IHO1: variants seen among roughly 807,000 people sequenced by gnomAD.
IHO1 encodes interactor of HORMAD1 1.
A neutral mutation model predicts 31.0 loss-of-function variants in IHO1; 13 were observed. That is an observed-to-expected ratio of 0.42 (90% confidence interval 0.27 to 0.67). The LOEUF is 0.67. Among genes scored for constraint, IHO1 ranks in the 30% least tolerant of loss-of-function variants. The pLI is 0.24. For synonymous variants in IHO1, 221 were observed against 248.4 expected (o/e 0.89, Z 1.04); for missense variants, 599 against 687.5 (o/e 0.87, Z 1.44).
In IHO1 at chr3:49,209,076, G is replaced by A. The variant is rs191279909; in HGVS notation, c.-15-2690G>A. Among the ~76,000 whole-genome samples the A allele has an allele frequency of 9.8e-5, 15 of 152,300 alleles. No homozygotes were observed. In the South Asian group the frequency reaches 2.9e-3, roughly 29 times the overall value. ...TTGGGTAAACCATGTGGTAAACACAGACATGCTGCACAAGTAAAGGCAGGA... is the reference window on the plus strand; with the variant it reads ...TTGGGTAAACCATGTGGTAAACACAAACATGCTGCACAAGTAAAGGCAGGA... On this transcript the variant is annotated intron_variant, in intron 1 of 7. Coordinates refer to ENST00000452691, the MANE Select transcript of IHO1 (RefSeq NM_001135197.2).
At chr3:49,194,123 C>T (rs1466718429), upstream of IHO1, among the ~76,000 whole-genome samples, 2 of 150,038 alleles carry the variant, frequency 1.3e-5, no homozygotes, top group Non-Finnish European at 3.0e-5. Context: ...GAAAAATTAG[C>T]CAGGTGCGGT....
chr3:49,241,661 G>A (rs1479011348), intron 4 of IHO1, among the ~76,000 whole-genome samples: 1 of 151,562 alleles, frequency 6.6e-6, no homozygotes, highest in East Asian at 1.9e-4. Flanking sequence ...TTGCTCTGTC[G>A]CCAGGCTGGA....
intron 6 of IHO1, among the ~76,000 whole-genome samples, chr3:49,248,417 A>AAAAACAAAACAAAACAAAACAAAAC (rs139167372): frequency 2.7e-5 from 4 of 148,816 alleles, no homozygotes; most frequent in African/African-American, 1.0e-4. Context: ...AGACTCTCTC[A>AAAAACAAAACAAAACAAAACAAAAC]AAAACAAAAC....
intron 2 of IHO1, among the ~76,000 whole-genome samples, chr3:49,235,666 G>C (rs2046550907): frequency 6.6e-6 from 1 of 152,048 alleles, no homozygotes; most frequent in African/African-American, 2.4e-5. Context: ...AATGGCTCAT[G>C]ACTGTCATCC....
intron 6 of IHO1, among the ~76,000 whole-genome samples, chr3:49,246,049 G>T (rs563060212): frequency 7.2e-5 from 11 of 152,096 alleles, no homozygotes; most frequent in Non-Finnish European, 1.6e-4. Context: ...GGGTGTGGTG[G>T]TGGGCGCCTG....
upstream of IHO1, among the ~76,000 whole-genome samples, chr3:49,197,411 T>C (rs1430925946): frequency 6.6e-6 from 1 of 152,174 alleles, no homozygotes; most frequent in Non-Finnish European, 1.5e-5. Context: ...TCCTCCCACC[T>C]TGGCCTCCCA....
At chr3:49,235,396 T>G (rs2046546356) in intron 2 of IHO1, among the ~76,000 whole-genome samples, 1 of 151,174 alleles carries the variant, frequency 6.6e-6, no homozygotes, top group Admixed American at 6.6e-5. Context: ...CTGGCTAATT[T>G]TTTTGTATTT....
Position 49,256,462 on chromosome 3 carries a change from G to A in IHO1, c.965G>A (p.Gly322Asp). 6.2e-7 allele frequency: 1 copy of A among 1,614,182 alleles called. No homozygotes were observed. The highest frequency in any genetic ancestry group is 8.5e-7 in the Non-Finnish European group (1 of 1,180,040). The change falls in exon 8 of 8, where the codon GGT becomes GAT. Residue 322 changes from glycine to aspartate, a missense_variant. By Grantham distance (94) the Gly-to-Asp change is moderately conservative. Transcript: ENST00000452691. The surrounding 1 kb of genome is among the most constrained non-coding windows in gnomAD (Gnocchi z 4.6). The part of the protein sequence containing the change: ...SLQPGEFDVW[G>D]EGAKNDDLQE... ...CAGCCTGGAGAATTTGATGTCTGGGGTGAAGGAGCAAAGAATGATGATCTC... is the reference window on the plus strand; with the variant it reads ...CAGCCTGGAGAATTTGATGTCTGGGATGAAGGAGCAAAGAATGATGATCTC...
rs549959225 is a variant in IHO1, at chr3:49,252,887, C to A, written c.533-2503C>A. Among the ~76,000 whole-genome samples, 6 of 151,904 alleles carry A rather than the reference C, an allele frequency of 3.9e-5. No homozygotes were observed. In the South Asian group the frequency reaches 1.2e-3, roughly 32 times the overall value. On this transcript the variant is annotated intron_variant, in intron 6 of 7. Coordinates refer to ENST00000452691, the MANE Select transcript of IHO1 (RefSeq NM_001135197.2). ...GTGGACCCTGTCTCTACTAAAAATA[C>A]AAAAATTAGCTGGGCATGGTGTTGC...
intron 3 of IHO1, among the ~76,000 whole-genome samples, chr3:49,239,328 C>T (rs368788016): frequency 6.6e-6 from 1 of 150,838 alleles, no homozygotes; most frequent in South Asian, 2.1e-4. Flanking sequence ...TGTTGCCAGA[C>T]TGGAGTGCAG....
chr3:49,255,367 A>G, intron 6 of IHO1, 23 bp from the exon 7 acceptor site: 2 of 1,522,810 alleles, frequency 1.3e-6, no homozygotes, highest in Non-Finnish European at 1.8e-6. Context: ...TCAGGAGGTG[A>G]ACTGTCACTG....
In IHO1 at chr3:49,244,652, A is replaced by G; in HGVS notation, c.451A>G (p.Thr151Ala). The G allele has an allele frequency of 6.2e-7, 1 of 1,611,946 alleles. No individual in the cohort carries two copies. The highest frequency in any genetic ancestry group is 8.5e-7 in the Non-Finnish European group (1 of 1,178,162). ...ATAATTTTGGGTTTCTTAGTTGCAG[A>G]CGTCTGTGGAAAAGTCTGAGGACCA... The part of the protein sequence containing the change: ...NVRESILRLQ[T>A]SVEKSEDHLS... The change falls in exon 6 of 8, where the codon ACG becomes GCG. Residue 151 changes from threonine to alanine, a missense_variant. Transcript: ENST00000452691.
chr3:49,211,818 G>A lies in IHO1; in HGVS notation c.38G>A (p.Ser13Asn). 6 of 1,568,790 alleles carry A rather than the reference G, an allele frequency of 3.8e-6. No individual in the cohort carries two copies. The highest frequency in any genetic ancestry group is 4.4e-6 in the Non-Finnish European group (5 of 1,139,086). Residue 13 changes from serine to asparagine, a missense_variant, in exon 2 of 8, where the codon AGT becomes AAT. Coordinates refer to ENST00000452691, the MANE Select transcript of IHO1 (RefSeq NM_001135197.2). Reference sequence around the variant, plus strand: ...GTCTGGAATATCAAAGAGATGCTCAGTATTCCTTCAGGCTCTGGGTAAGTT... The same window carrying A: ...GTCTGGAATATCAAAGAGATGCTCAATATTCCTTCAGGCTCTGGGTAAGTT... Reference protein sequence around the residue: ...FNVWNIKEMLSIPSGSGNKKS... With the variant: ...FNVWNIKEMLNIPSGSGNKKS...
Position 49,202,736 on chromosome 3 carries a change from C to T in IHO1, c.-16+3163C>T, listed in dbSNP as rs1270642848. Among the ~76,000 whole-genome samples the T allele has an allele frequency of 5.3e-5, 8 of 151,594 alleles. 1 individual carries two copies. The South Asian group carries it at 1.7e-3, about 32-fold the overall frequency. ...TCTCACCCAGGCTGGAGTACGATGGCGCAGTCTTGGCTCACTGCAACCTCC... is the reference window on the plus strand; with the variant it reads ...TCTCACCCAGGCTGGAGTACGATGGTGCAGTCTTGGCTCACTGCAACCTCC... On this transcript the variant is annotated intron_variant, in intron 1 of 7. Transcript: ENST00000452691.
chr3:49,229,318 G>A (rs1465292734), intron 2 of IHO1, among the ~76,000 whole-genome samples: 4 of 152,192 alleles, frequency 2.6e-5, no homozygotes, highest in Non-Finnish European at 5.9e-5. Context: ...AAGTTCCAAC[G>A]GGTCTGTGGA....
At chr3:49,241,604 G>C (rs113363180) in intron 4 of IHO1, among the ~76,000 whole-genome samples, 6 of 151,770 alleles carry the variant, frequency 4.0e-5, no homozygotes, top group South Asian at 4.2e-4. Flanking sequence ...GAAAGAGAAA[G>C]AGGGAGAGAG....
chr3:49,193,821 G>A (rs577934035), upstream of IHO1, among the ~76,000 whole-genome samples: 1 of 151,472 alleles, frequency 6.6e-6, no homozygotes. Flanking sequence ...AATTAGCCAG[G>A]CATGGTGGCG....
intron 2 of IHO1, among the ~76,000 whole-genome samples, chr3:49,213,204 G>C (rs985681267): frequency 1.3e-5 from 2 of 151,706 alleles, no homozygotes; most frequent in Non-Finnish European, 2.9e-5. Context: ...GGTTCTCCAA[G>C]TCCCCACTAG....
chr3:49,218,219 C>A (rs910790411), intron 2 of IHO1, among the ~76,000 whole-genome samples: 5 of 151,778 alleles, frequency 3.3e-5, no homozygotes, highest in Non-Finnish European at 7.4e-5. Flanking sequence ...TGAGGTGTAT[C>A]CTGGTTCCCA....
Sources: allele counts gnomAD v4.1 joint callset (sites outside exome capture counted in the v4.1 genomes callset), GRCh38; gene constraint gnomAD v4.1.1; non-coding constraint Gnocchi (gnomAD v3.1); transcripts MANE v1.5; gene names NCBI Gene and HGNC (gene_info 2026-07-23, HGNC 2026-07-21).